Variants in COL6A3 observed in about 807,000 individuals in gnomAD.
COL6A3 encodes the protein collagen type VI alpha 3 chain, also known as collagen alpha-3(VI) chain.
A neutral mutation model predicts 274.1 loss-of-function variants in COL6A3; 137 were observed. The ratio of observed to expected loss-of-function variants is 0.50; its 90% CI spans 0.44 to 0.58. The LOEUF is 0.58. Ranked by LOEUF, COL6A3 falls within the 20% of genes least tolerant of loss-of-function variation. The pLI is 0.00. For missense variants in COL6A3, 3,950 were observed against 4,124.9 expected, an observed-to-expected ratio of 0.96 and a Z score of 1.16; for synonymous variants, 1,650 against 1,650.6, an observed-to-expected ratio of 1.00 and a Z score of 0.01.
chr2:237,362,412 G>C (rs1393373136), intron 14 of COL6A3, among the ~76,000 whole-genome samples: 2 of 152,174 alleles, frequency 1.3e-5, no homozygotes, highest in African/African-American at 4.8e-5. Context: ...CATCCCATCT[G>C]GCCCCTGACC....
Position 237,336,399 on chromosome 2 carries a change from T to C in COL6A3, c.8701A>G (p.Asn2901Asp). The stretch of plus-strand genomic sequence containing the variant: ...GCGGCTGGCTTCACAGATGGCTGAT[T>C]TATAATAGTCACAGGCTTTGTTGTG... ...TTTTKPVTIINQPSVKPAAAK... is the reference protein window; with the variant it reads ...TTTTKPVTIIDQPSVKPAAAK... Residue 2901 changes from asparagine (N) to aspartate (D), a missense_variant, in exon 40 of 44, where the codon AAT becomes GAT. By Grantham distance (23) the Asn-to-Asp change is conservative (BLOSUM62 1). This residue lies in a region of COL6A3 where 1,284 missense variants were observed against 1,349.7 expected (regional missense o/e 0.95). Transcript: ENST00000295550. 6.2e-7 allele frequency: 1 copy of C among 1,614,240 alleles called. No homozygotes were observed. The highest frequency in any genetic ancestry group is 8.5e-7 in the Non-Finnish European group (1 of 1,180,046).
At position 237,395,159 on chromosome 2, in the gene COL6A3, G is replaced by A. The variant is rs1345492472; in HGVS notation, c.137C>T (p.Ser46Phe). ...ATGTTCCTCTCCAATGGTCCAAGAG[G>A]AATCCACTAGAAATATTATATCAGC... ...AAADIIFLVDSSWTIGEEHFQ... is the reference protein window; with the variant it reads ...AAADIIFLVDFSWTIGEEHFQ... The change falls in exon 3 of 44, where the codon TCC (serine) becomes TTC (phenylalanine). Residue 46 changes from serine (S) to phenylalanine (F), a missense_variant. Physicochemically the swap from Ser to Phe is radical, Grantham distance 155. This residue lies in a region of COL6A3 where 1,934 missense variants were observed against 1,984.3 expected (regional missense o/e 0.97). Transcript: ENST00000295550. 4 of 1,613,652 alleles carry A rather than the reference G, an allele frequency of 2.5e-6. No homozygotes were observed. Among genetic ancestry groups the A allele is most frequent in the Non-Finnish European group, 3.4e-6 (4 of 1,179,956 alleles).
At chr2:237,412,746 T>G (rs2078887018) in intron 1 of COL6A3, among the ~76,000 whole-genome samples, 2 of 152,146 alleles carry the variant, frequency 1.3e-5, no homozygotes, top group Admixed American at 6.5e-5. Flanking sequence ...GGATCCCAGG[T>G]TGAGCATCCA....
At chr2:237,329,807 TAA>T (rs1700128997) in intron 42 of COL6A3, 2 of 152,224 alleles carry the variant, frequency 1.3e-5, no homozygotes. Context: ...TTGTCAATTC[TAA>T]GTCACATTTC....
At position 237,395,120 on chromosome 2, in the gene COL6A3, C is replaced by A. The variant is rs111577719; in HGVS notation, c.176G>T (p.Arg59Leu). ...TIGEEHFQLV[R>L]EFLYDVVKSL... ...TTTTACAACATCATATAGAAACTCT[C>A]GAACAAGTTGGAAATGTTCCTCTCC... Residue 59 changes from arginine (R) to leucine (L), a missense_variant, in exon 3 of 44, where the codon CGA becomes CTA. Physicochemically the swap from Arg to Leu is moderately radical, Grantham distance 102. This residue lies in a region of COL6A3 where 1,934 missense variants were observed against 1,984.3 expected (regional missense o/e 0.97). Transcript: ENST00000295550. 9 of 1,613,998 alleles carry A rather than the reference C, an allele frequency of 5.6e-6. No individual in the cohort carries two copies. Among genetic ancestry groups the A allele is most frequent in the Non-Finnish European group, 7.6e-6 (9 of 1,180,010 alleles).
At chr2:237,352,652 T>A (rs2077232204) in intron 25 of COL6A3, 68 bp from the exon 26 acceptor site, 1 of 1,444,048 alleles carries the variant, frequency 6.9e-7, no homozygotes, top group African/African-American at 1.4e-5. Flanking sequence ...CTGCATGGCA[T>A]CTGCCCATCC....
At position 237,368,648 on chromosome 2, in the gene COL6A3, T is replaced by C. The variant is rs1303686044; in HGVS notation, c.4815A>G (p.Ile1605Met). ...CAAACGAGTTCATGATTCTTTCTTC[T>C]ATGTTGGGAAGCTCTCTGAACTCTC... Reference protein sequence around the residue: ...TVREFRELPNIEERIMNSFGP... With the variant: ...TVREFRELPNMEERIMNSFGP... Residue 1605 changes from isoleucine (I) to methionine (M), a missense_variant, in exon 10 of 44, where the codon ATA becomes ATG. Ile to Met is a conservative substitution (Grantham distance 10). Coordinates refer to ENST00000295550, the MANE Select transcript of COL6A3 (RefSeq NM_004369.4). The surrounding 1 kb of genome is among the most constrained non-coding windows in gnomAD (Gnocchi z 4.4). The C allele has an allele frequency of 1.2e-6, 2 of 1,614,108 alleles. No homozygotes were observed. Among genetic ancestry groups the C allele is most frequent in the Non-Finnish European group, 1.7e-6 (2 of 1,179,994 alleles).
Position 237,354,024 on chromosome 2 carries a change from T to C in COL6A3, c.6628-621A>G, listed in dbSNP as rs147474431. 1.6e-4 allele frequency among the ~76,000 whole-genome samples: 25 copies of C among 151,854 alleles called. No homozygotes were observed. In the East Asian group the frequency reaches 4.8e-3, roughly 29 times the overall value. On this transcript the variant is annotated intron_variant, in intron 24 of 43. Coordinates refer to ENST00000295550, the MANE Select transcript of COL6A3 (RefSeq NM_004369.4). Reference sequence around the variant, plus strand: ...TAGCTACAAAGAATTTTTTTTTTTTTTTTTGAGATGGAGTTTCACTCTAGT... The same window carrying C: ...TAGCTACAAAGAATTTTTTTTTTTTCTTTTGAGATGGAGTTTCACTCTAGT...
At chr2:237,369,508 A>G (rs902845429) in intron 9 of COL6A3, among the ~76,000 whole-genome samples, 1 of 152,266 alleles carries the variant, frequency 6.6e-6, no homozygotes, top group Non-Finnish European at 1.5e-5. Flanking sequence ...CGTAATCTAC[A>G]GAATCATGAA....
At chr2:237,358,467 A>G in intron 21 of COL6A3, 54 bp downstream of exon 21, 1 of 1,449,974 alleles carries the variant, frequency 6.9e-7, no homozygotes. Flanking sequence ...CCCCTTTCCC[A>G]ACAACCCTCT....
In COL6A3 at chr2:237,386,157, A is replaced by C. The variant is rs113486099; in HGVS notation, c.1312+1425T>G. Among the ~76,000 whole-genome samples, 1,434 of 152,312 alleles carry C rather than the reference A, an allele frequency of 9.4e-3. 33 individuals are homozygous for C. Among genetic ancestry groups the C allele is most frequent in the African/African-American group, 0.033 (1,351 of 41,550 alleles). On this transcript the variant is annotated intron_variant, in intron 4 of 43. Coordinates refer to ENST00000295550, the MANE Select transcript of COL6A3 (RefSeq NM_004369.4). ...AATCATTTGAGGCAAGTTCAATCTA[A>C]CTCAGTGTGAATTTTGTAACCCTTG...
At chr2:237,391,461 A>G (rs2078284879) in intron 3 of COL6A3, among the ~76,000 whole-genome samples, 1 of 152,194 alleles carries the variant, frequency 6.6e-6, no homozygotes, top group Non-Finnish European at 1.5e-5. Flanking sequence ...AGTATAACAA[A>G]ACGTCAATAA....
intron 10 of COL6A3, among the ~76,000 whole-genome samples, chr2:237,367,510 G>C (rs1026181257): frequency 6.6e-6 from 1 of 152,146 alleles, no homozygotes; most frequent in African/African-American, 2.4e-5. Flanking sequence ...TAAACAAAAA[G>C]GAAAGGAGAA....
rs1699904292 is a variant in COL6A3 at position 237,325,728 on chromosome 2, T to TAATA, written c.9329-8_9329-5dup. The TAATA allele has an allele frequency of 1.9e-6, 3 of 1,612,484 alleles. No homozygotes were observed. The South Asian group carries it at 3.3e-5, about 18-fold the overall frequency. ...TCTTTCGGCAACTTGCATATATCTT[T>TAATA]AATAAAAACATGAGAAAAGGATATT... On this transcript the variant is annotated splice_polypyrimidine_tract_variant and splice_region_variant and intron_variant, in intron 42 of 43. Coordinates refer to ENST00000295550, the MANE Select transcript of COL6A3 (RefSeq NM_004369.4).
At chr2:237,391,953 G>T (rs373959399) in intron 3 of COL6A3, among the ~76,000 whole-genome samples, 7 of 152,300 alleles carry the variant, frequency 4.6e-5, no homozygotes, top group African/African-American at 1.7e-4. Context: ...CTGGTAACCT[G>T]AGTGTTTGGT....
At chr2:237,328,846 C>T (rs181908467) in intron 42 of COL6A3, 1 of 152,186 alleles carries the variant, frequency 6.6e-6, no homozygotes, top group Non-Finnish European at 1.5e-5. Flanking sequence ...ATGCTGCAAT[C>T]ATCAACATGT....
chr2:237,390,667 C>A (rs566722097), intron 3 of COL6A3, among the ~76,000 whole-genome samples: 5 of 152,200 alleles, frequency 3.3e-5, no homozygotes, highest in African/African-American at 1.2e-4. Flanking sequence ...GCTCTTTTCC[C>A]GAGCTCACTG....
At chr2:237,343,810 CA>C (rs1174731297) in intron 36 of COL6A3, 1 of 191,722 alleles carries the variant, frequency 5.2e-6, no homozygotes, top group South Asian at 1.1e-4. Flanking sequence ...TGGGTATCAT[CA>C]GCACATGGGT....
At chr2:237,382,918 G>T (rs1270464983) in intron 4 of COL6A3, among the ~76,000 whole-genome samples, 1 of 152,178 alleles carries the variant, frequency 6.6e-6, no homozygotes, top group Non-Finnish European at 1.5e-5. Flanking sequence ...CTCCTGAGTA[G>T]TTGGGATTAC....
Sources: allele counts gnomAD v4.1 joint callset (sites outside exome capture counted in the v4.1 genomes callset), GRCh38; gene constraint gnomAD v4.1.1; regional missense constraint gnomAD v4.1.1; non-coding constraint Gnocchi (gnomAD v3.1); transcripts MANE v1.5; gene names NCBI Gene and HGNC (gene_info 2026-07-23, HGNC 2026-07-21).